The following SMYD1 variants were observed in gnomAD, a reference collection of about 807,000 sequenced individuals.
SMYD1 encodes SET and MYND domain containing 1.
SMYD1 carries 49 observed loss-of-function variants against 54.0 expected under a neutral mutation model. The observed-to-expected ratio is 0.91, with a 90% CI of 0.72 to 1.15. The LOEUF (loss-of-function observed/expected upper bound fraction) is 1.15. Among genes scored for constraint, SMYD1 ranks in the 50% most tolerant of loss-of-function variants. The probability of loss-of-function intolerance (pLI) is 0.00; values close to 1 mark genes in which losing one functional copy is unlikely to be tolerated. For missense variants in SMYD1, 653 were observed against 639.6 expected, an observed-to-expected ratio of 1.02 and a Z score of -0.23; for synonymous variants, 269 against 234.2, an observed-to-expected ratio of 1.15 and a Z score of -1.36.
At chr2:88,100,375 A>T (rs1203130368) in intron 6 of SMYD1, among the ~76,000 whole-genome samples, 2 of 152,198 alleles carry the variant, frequency 1.3e-5, no homozygotes, top group Non-Finnish European at 2.9e-5. Context: ...TTTGATGAAC[A>T]CTTAACCAGT....
intron 6 of SMYD1, among the ~76,000 whole-genome samples, chr2:88,098,128 C>T (rs1173560509): frequency 6.6e-6 from 1 of 152,220 alleles, no homozygotes; most frequent in Admixed American, 6.5e-5. Context: ...GATAACATGT[C>T]TTATCTGTGA....
intron 7 of SMYD1, among the ~76,000 whole-genome samples, chr2:88,103,531 T>C (rs2104011458): frequency 6.6e-6 from 1 of 152,214 alleles, no homozygotes; most frequent in Non-Finnish European, 1.5e-5. Context: ...AGCTACAGTT[T>C]TCAGTCTCTC....
intron 1 of SMYD1, among the ~76,000 whole-genome samples, chr2:88,071,048 G>A (rs1417715818): frequency 2.0e-5 from 3 of 150,604 alleles, no homozygotes; most frequent in Non-Finnish European, 4.4e-5. Context: ...TTTAAACAAA[G>A]GTACAATATT....
chr2:88,088,022 C>T lies in SMYD1; in HGVS notation c.475C>T (p.Pro159Ser). The change falls in exon 3 of 10, where the codon CCG becomes TCG. Residue 159 changes from proline (P) to serine (S), a missense_variant. Physicochemically the swap from Pro to Ser is moderately conservative, Grantham distance 74. Coordinates refer to ENST00000419482, the MANE Select transcript of SMYD1 (RefSeq NM_198274.4). ...VDVDTFLQYW[P>S]PQSQQFSMQY... The stretch of plus-strand genomic sequence containing the variant: ...CGTGGACACATTCTTGCAGTACTGG[C>T]CGCCGCAGAGCCAGCAGTTCAGCAT... 2.5e-6 allele frequency: 4 copies of T among 1,614,144 alleles called. No homozygotes were observed. Among genetic ancestry groups the T allele is most frequent in the Non-Finnish European group, 3.4e-6 (4 of 1,180,018 alleles).
chr2:88,089,228 A>G (rs2970916), intron 3 of SMYD1, among the ~76,000 whole-genome samples: 88,248 of 152,006 alleles, frequency 0.58, 26,301 homozygotes, highest in African/African-American at 0.71. Context: ...CAACTGATTA[A>G]ATGAGGCCCA....
chr2:88,113,120 C>T lies in SMYD1; in HGVS notation c.*2608C>T, dbSNP rs1675068026. The T allele has an allele frequency of 6.6e-6, 1 of 152,184 alleles. No homozygotes were observed. The highest frequency in any genetic ancestry group is 2.1e-4 in the South Asian group (1 of 4,834). 9.4% of individuals were successfully genotyped at this position (152,184 alleles called of 1,614,324 possible). On this transcript the variant is annotated 3_prime_UTR_variant, in exon 10 of 10. Transcript: ENST00000419482. ...ATCTGTTCTTTCTTGGAACACCACC[C>T]AAGAACGTCACCTCCTCCATCAGAT...
intron 8 of SMYD1, 93 bp downstream of exon 8, chr2:88,106,581 T>C: frequency 1.5e-6 from 2 of 1,359,650 alleles, no homozygotes; most frequent in Non-Finnish European, 2.0e-6. Flanking sequence ...TGCCTCTCCC[T>C]CCTATACCCA....
Position 88,113,255 on chromosome 2 carries a change from A to C in SMYD1, c.*2743A>C, listed in dbSNP as rs181358348. Reference sequence around the variant, plus strand: ...GTGCTCAGTAAATGTGTGTTGAATAAATGAATGAATGAATGAACAAATGAA... The same window carrying C: ...GTGCTCAGTAAATGTGTGTTGAATACATGAATGAATGAATGAACAAATGAA... On this transcript the variant is annotated 3_prime_UTR_variant, in exon 10 of 10. Transcript: ENST00000419482. 2 of 152,186 alleles carry C rather than the reference A, an allele frequency of 1.3e-5. No homozygotes were observed. Among genetic ancestry groups the C allele is most frequent in the Non-Finnish European group, 2.9e-5 (2 of 68,034 alleles). The allele number at this position is 152,186 out of a possible 1,614,324, so 9.4% of individuals were successfully genotyped here.
chr2:88,088,474 TGAA>T (rs1369937145), intron 3 of SMYD1, among the ~76,000 whole-genome samples: 1 of 152,110 alleles, frequency 6.6e-6, no homozygotes, highest in Non-Finnish European at 1.5e-5. Context: ...CCAAGAGGAC[TGAA>T]GGAGGACAGG....
At chr2:88,087,748 T>C in intron 2 of SMYD1, 114 bp from the exon 3 acceptor site, 1 of 934,984 alleles carries the variant, frequency 1.1e-6, no homozygotes, top group African/African-American at 1.6e-5. Flanking sequence ...CCATCTAGTT[T>C]AAAAACGTAT....
chr2:88,076,840 C>G (rs1423303014), intron 1 of SMYD1, among the ~76,000 whole-genome samples: 1 of 151,916 alleles, frequency 6.6e-6, no homozygotes, highest in East Asian at 1.9e-4. Flanking sequence ...AATTCCATCT[C>G]TACAAAAAAA....
chr2:88,107,761 C>T (rs1234092360), intron 8 of SMYD1, among the ~76,000 whole-genome samples: 1 of 152,228 alleles, frequency 6.6e-6, no homozygotes, highest in Non-Finnish European at 1.5e-5. Flanking sequence ...GATATAATCT[C>T]CTGGGGTACC....
At position 88,113,214 on chromosome 2, in the gene SMYD1, T is replaced by A. The variant is rs1675070000; in HGVS notation, c.*2702T>A. ...TCCTATCCCCAGAACCTTGCACAGA[T>A]CCTGGAATGTGGTAGGTGCTCAGTA... On this transcript the variant is annotated 3_prime_UTR_variant, in exon 10 of 10. Transcript: ENST00000419482. 6.6e-6 allele frequency: 1 copy of A among 152,202 alleles called. No individual in the cohort carries two copies. Among genetic ancestry groups the A allele is most frequent in the Non-Finnish European group, 1.5e-5 (1 of 68,050 alleles). 9.4% of individuals were successfully genotyped at this position (152,202 alleles called of 1,614,324 possible).
At chr2:88,107,390 C>A (rs781615127) in intron 8 of SMYD1, among the ~76,000 whole-genome samples, 1 of 151,996 alleles carries the variant, frequency 6.6e-6, no homozygotes, top group South Asian at 2.1e-4. Context: ...GGAAGCCCTG[C>A]AAAAGGGTGC....
chr2:88,087,998 G>A lies in SMYD1; in HGVS notation c.451G>A (p.Val151Met), dbSNP rs144495632. ...GGAGCAGAAGGACCTGCGGGTGGACGTGGACACATTCTTGCAGTACTGGCC... is the reference window on the plus strand; with the variant it reads ...GGAGCAGAAGGACCTGCGGGTGGACATGGACACATTCTTGCAGTACTGGCC... Reference protein sequence around the residue: ...EEEQKDLRVDVDTFLQYWPPQ... With the variant: ...EEEQKDLRVDMDTFLQYWPPQ... The change falls in exon 3 of 10, where the codon GTG becomes ATG. Residue 151 changes from valine (V) to methionine (M), a missense_variant. Transcript: ENST00000419482. 6.7e-5 allele frequency: 108 copies of A among 1,614,190 alleles called. No homozygotes were observed. Among genetic ancestry groups the A allele is most frequent in the South Asian group, 5.2e-4 (47 of 91,088 alleles).
At chr2:88,071,048 G>C (rs1417715818) in intron 1 of SMYD1, among the ~76,000 whole-genome samples, 1 of 150,604 alleles carries the variant, frequency 6.6e-6, no homozygotes, top group Non-Finnish European at 1.5e-5. Flanking sequence ...TTTAAACAAA[G>C]GTACAATATT....
intron 6 of SMYD1, 40 bp downstream of exon 6, chr2:88,096,824 T>C: frequency 6.3e-7 from 1 of 1,581,942 alleles, no homozygotes; most frequent in Non-Finnish European, 8.6e-7. Context: ...GTGTCTGTCT[T>C]CTCCGGGAGC....
At chr2:88,075,215 G>A (rs1256441287) in intron 1 of SMYD1, among the ~76,000 whole-genome samples, 1 of 152,194 alleles carries the variant, frequency 6.6e-6, no homozygotes, top group African/African-American at 2.4e-5. Context: ...AACCTGTTGT[G>A]AGCTGTATTG....
chr2:88,112,026 T>G lies in SMYD1; in HGVS notation c.*1514T>G. The G allele has an allele frequency of 1.4e-6, 1 of 702,860 alleles. No individual in the cohort carries two copies. The highest frequency in any genetic ancestry group is 2.6e-6 in the Non-Finnish European group (1 of 384,830). The allele number at this position is 702,860 out of a possible 1,614,324, so 43.5% of individuals were successfully genotyped here. A position where few individuals can be genotyped will look rare whatever the true frequency, so the allele number is the denominator to read the frequency against. The stretch of plus-strand genomic sequence containing the variant: ...AGCACTACCCAGTGGCTGAAAACTC[T>G]GCAAATGGGCCACACTTTTGCAAAA... On this transcript the variant is annotated 3_prime_UTR_variant, in exon 10 of 10. Transcript: ENST00000419482.
Sources: allele counts gnomAD v4.1 joint callset (sites outside exome capture counted in the v4.1 genomes callset), GRCh38; gene constraint gnomAD v4.1.1; transcripts MANE v1.5; gene names NCBI Gene and HGNC (gene_info 2026-07-23, HGNC 2026-07-21).